The following PIKFYVE variants were observed in gnomAD, a reference collection of about 807,000 sequenced individuals.
PIKFYVE encodes 1-phosphatidylinositol 3-phosphate 5-kinase.
A neutral mutation model predicts 257.9 loss-of-function variants in PIKFYVE; 122 were observed. That is an observed-to-expected ratio of 0.47 (90% confidence interval 0.41 to 0.55). PIKFYVE has a LOEUF of 0.55. Ranked by LOEUF, PIKFYVE falls within the 20% of genes least tolerant of loss-of-function variation. The probability of loss-of-function intolerance (pLI) is 0.00; values close to 1 mark genes in which losing one functional copy is unlikely to be tolerated. For synonymous variants in PIKFYVE, 892 were observed against 868.9 expected, an observed-to-expected ratio of 1.03 and a Z score of -0.47; for missense variants, 2,160 against 2,536.6, an observed-to-expected ratio of 0.85 and a Z score of 3.19.
intron 11 of PIKFYVE, 91 bp downstream of exon 11, chr2:208,304,409 C>G: frequency 1.3e-6 from 2 of 1,506,302 alleles, no homozygotes; most frequent in East Asian, 2.3e-5. Context: ...AATAATTCAG[C>G]TTTATAATTT....
Position 208,302,450 on chromosome 2 carries a change from T to C in PIKFYVE, c.1320+97T>C, listed in dbSNP as rs150096013. ...TAAAAAGTAGTTTATTAGAAGATGATTTTTCTAACATTTTTTCCTGCTGTT... is the reference window on the plus strand; with the variant it reads ...TAAAAAGTAGTTTATTAGAAGATGACTTTTCTAACATTTTTTCCTGCTGTT... On this transcript the variant is annotated intron_variant, in intron 10 of 41. Coordinates refer to ENST00000264380, the MANE Select transcript of PIKFYVE (RefSeq NM_015040.4). 1.8e-4 allele frequency: 216 copies of C among 1,172,146 alleles called. 1 individual carries two copies. In the East Asian group the frequency reaches 5.1e-3, roughly 28 times the overall value. The allele number at this position is 1,172,146 out of a possible 1,614,324, so 72.6% of individuals were successfully genotyped here. A position where few individuals can be genotyped will look rare whatever the true frequency, so the allele number is the denominator to read the frequency against.
rs879545612 is a variant in PIKFYVE, at chr2:208,315,512, T to TTGTC, written c.2007+142_2007+143insCTGT. The TTGTC allele has an allele frequency of 1.5e-5, 15 of 978,300 alleles. No individual in the cohort carries two copies. The African/African-American group carries it at 1.9e-4, about 13-fold the overall frequency. The allele number at this position is 978,300 out of a possible 1,614,324, so 60.6% of individuals were successfully genotyped here. A position where few individuals can be genotyped will look rare whatever the true frequency, so the allele number is the denominator to read the frequency against. On this transcript the variant is annotated intron_variant, in intron 15 of 41. Coordinates refer to ENST00000264380, the MANE Select transcript of PIKFYVE (RefSeq NM_015040.4). Reference sequence around the variant, plus strand: ...GGAGTAGGAGGTTTTGCTGTCTGCTTTGTTAGCAGCGCACTTAGGAGTCAT... The same window carrying TTGTC: ...GGAGTAGGAGGTTTTGCTGTCTGCTTTGTCTGTTAGCAGCGCACTTAGGAGTCAT...
chr2:208,325,240 T>C (rs766598210), intron 19 of PIKFYVE, 30 bp from the exon 20 acceptor site: 29 of 1,605,896 alleles, frequency 1.8e-5, no homozygotes, highest in Admixed American at 6.7e-5. Context: ...ACCTCCACCA[T>C]CTTAACTTTC....
chr2:208,310,881 T>G (rs1040966828), intron 12 of PIKFYVE, among the ~76,000 whole-genome samples: 2 of 152,110 alleles, frequency 1.3e-5, no homozygotes, highest in Non-Finnish European at 2.9e-5. Flanking sequence ...TAAACTTGAG[T>G]ATGGGCTAAT....
At chr2:208,335,706 T>A in intron 25 of PIKFYVE, 87 bp from the exon 26 acceptor site, 2 of 1,082,506 alleles carry the variant, frequency 1.8e-6, no homozygotes, top group Non-Finnish European at 2.8e-6. Flanking sequence ...TCAATTACAT[T>A]TTGCATGTAG....
intron 5 of PIKFYVE, among the ~76,000 whole-genome samples, chr2:208,283,491 G>A (rs1691105731): frequency 6.6e-6 from 1 of 152,138 alleles, no homozygotes. Flanking sequence ...GACTGGTTAG[G>A]CGAGATTTCC....
At chr2:208,334,041 A>T (rs6713477) in intron 24 of PIKFYVE, among the ~76,000 whole-genome samples, 141,629 of 152,290 alleles carry the variant, frequency 0.93, 66,379 homozygotes, top group Non-Finnish European at 0.98. Flanking sequence ...TAATCACATA[A>T]TTCTGATAGA....
chr2:208,348,101 TA>T, intron 35 of PIKFYVE, 78 bp downstream of exon 35: 1 of 1,524,476 alleles, frequency 6.6e-7, no homozygotes, highest in Non-Finnish European at 9.1e-7. Context: ...CTTATAGCCT[TA>T]AATAGATAAT....
chr2:208,307,765 T>G (rs370319572), intron 12 of PIKFYVE, among the ~76,000 whole-genome samples: 1 of 152,150 alleles, frequency 6.6e-6, no homozygotes, highest in Non-Finnish European at 1.5e-5. Context: ...GATACAAGAT[T>G]GATAAATCAG....
chr2:208,350,416 A>T (rs1699667795), intron 36 of PIKFYVE, among the ~76,000 whole-genome samples: 1 of 152,316 alleles, frequency 6.6e-6, no homozygotes, highest in Admixed American at 6.5e-5. Flanking sequence ...ATTATCCAGA[A>T]TAATATGTAC....
intron 27 of PIKFYVE, 77 bp downstream of exon 27, chr2:208,336,277 T>G (rs1559150766): frequency 3.2e-6 from 5 of 1,544,122 alleles, no homozygotes; most frequent in Non-Finnish European, 4.5e-6. Context: ...ACTTAAAAAT[T>G]TTTAATTATG....
intron 16 of PIKFYVE, among the ~76,000 whole-genome samples, chr2:208,318,670 A>G (rs542318072): frequency 6.6e-6 from 1 of 152,166 alleles, no homozygotes; most frequent in Non-Finnish European, 1.5e-5. Flanking sequence ...GTGGTACTGT[A>G]TTTAAAGTAG....
intron 23 of PIKFYVE, among the ~76,000 whole-genome samples, chr2:208,331,100 C>T (rs1574665725): frequency 6.6e-6 from 1 of 152,034 alleles, no homozygotes; most frequent in Non-Finnish European, 1.5e-5. Flanking sequence ...GCAATAACTG[C>T]AGTATATTAG....
At position 208,329,921 on chromosome 2, in the gene PIKFYVE, C is replaced by T; in HGVS notation, c.3791+8C>T. On this transcript the variant is annotated splice_region_variant and intron_variant, in intron 22 of 41. Coordinates refer to ENST00000264380, the MANE Select transcript of PIKFYVE (RefSeq NM_015040.4). ...AGAGAGATACTGTTTCAGGTAAGAACATATTTCTTCCTTCTGTTCCATTAC... is the reference window on the plus strand; with the variant it reads ...AGAGAGATACTGTTTCAGGTAAGAATATATTTCTTCCTTCTGTTCCATTAC... The T allele has an allele frequency of 1.2e-6, 2 of 1,609,698 alleles. No homozygotes were observed. Among genetic ancestry groups the T allele is most frequent in the Admixed American group, 1.7e-5 (1 of 59,840 alleles).
intron 7 of PIKFYVE, among the ~76,000 whole-genome samples, chr2:208,291,655 A>G (rs1692330353): frequency 6.6e-6 from 1 of 152,056 alleles, no homozygotes; most frequent in Non-Finnish European, 1.5e-5. Flanking sequence ...CTTTAAGAGA[A>G]ATAGGTCTGT....
rs1203351094 is a variant in PIKFYVE, at chr2:208,335,897, AAG to A, written c.4364_4365del (p.Glu1455AspfsTer5). ...AAAATGGAAGATATTTTTGCACAGA[AAG>A]AGGTAATTTATTTCTTTGGTAGAAA... On this transcript the variant is annotated frameshift_variant and splice_region_variant, in exon 26 of 42. Transcript: ENST00000264380. LOFTEE classifies it high-confidence loss of function. 6.2e-7 allele frequency: 1 copy of A among 1,605,558 alleles called. No homozygotes were observed. Among genetic ancestry groups the A allele is most frequent in the Non-Finnish European group, 8.5e-7 (1 of 1,172,890 alleles).
intron 7 of PIKFYVE, among the ~76,000 whole-genome samples, chr2:208,297,547 A>C (rs1446322218): frequency 6.6e-6 from 1 of 152,192 alleles, no homozygotes; most frequent in Non-Finnish European, 1.5e-5. Context: ...CAGCCCTGAT[A>C]CATATTAGGC....
Position 208,340,099 on chromosome 2 carries a change from A to G in PIKFYVE, c.4899A>G (p.Pro1633=), listed in dbSNP as rs976911039. The change falls in exon 31 of 42, where the codon CCA becomes CCG. Residue 1633 remains proline (P), a synonymous_variant. Transcript: ENST00000264380. ...AAGCCATCTTTGCAAATTTGCTTCC[A>G]GGAAATAGCTATAATCCTATTCCAT... ...TMKAIFANLL[P]GNSYNPIPFP... 110 of 1,613,964 alleles carry G rather than the reference A, an allele frequency of 6.8e-5. No homozygotes were observed. Among genetic ancestry groups the G allele is most frequent in the Non-Finnish European group, 8.6e-5 (101 of 1,179,952 alleles).
chr2:208,302,399 T>C, intron 10 of PIKFYVE, 46 bp downstream of exon 10: 1 of 1,475,992 alleles, frequency 6.8e-7, no homozygotes, highest in Non-Finnish European at 9.5e-7. Flanking sequence ...CAAGCTTATT[T>C]TATAGTCTTT....
Sources: gnomAD v4.1 joint callset for allele counts (sites outside exome capture counted in the v4.1 genomes callset) on GRCh38, gnomAD v4.1.1 for gene constraint, MANE v1.5 for transcripts, NCBI Gene and HGNC (gene_info 2026-07-23, HGNC 2026-07-21) for gene names.